Variants in UPP2 observed in about 807,000 individuals in gnomAD.
The protein encoded by UPP2 is UPase 2.
UPP2 carries 23 observed loss-of-function variants against 26.7 expected under a neutral mutation model. That is an observed-to-expected ratio of 0.86 (90% CI 0.62 to 1.22). The LOEUF is 1.22. Among genes scored for constraint, UPP2 ranks in the 50% most tolerant of loss-of-function variants. The pLI is 0.00. For synonymous variants in UPP2, 127 were observed against 141.3 expected, an observed-to-expected ratio of 0.90 and a Z score of 0.72; for missense variants, 387 against 396.7, an observed-to-expected ratio of 0.98 and a Z score of 0.21.
chr2:158,100,987 G>A (rs1683066068), upstream of UPP2, among the ~76,000 whole-genome samples: 1 of 152,200 alleles, frequency 6.6e-6, no homozygotes, highest in African/African-American at 2.4e-5. Flanking sequence ...GTTAGGATAT[G>A]AGCACTTGAT....
intron 2 of UPP2, among the ~76,000 whole-genome samples, chr2:158,008,470 A>C (rs1244662620): frequency 6.6e-6 from 1 of 152,178 alleles, no homozygotes; most frequent in Non-Finnish European, 1.5e-5. Flanking sequence ...ATGTTATTTG[A>C]CTTAGGCTAA....
intron 3 of UPP2, among the ~76,000 whole-genome samples, chr2:158,027,492 C>G (rs1416439076): frequency 6.6e-6 from 1 of 152,152 alleles, no homozygotes; most frequent in Non-Finnish European, 1.5e-5. Flanking sequence ...CAGCTCCACC[C>G]CTATGGCTTT....
intron 2 of UPP2, among the ~76,000 whole-genome samples, chr2:158,111,007 T>C (rs1683308014): frequency 6.6e-6 from 1 of 152,200 alleles, no homozygotes; most frequent in Non-Finnish European, 1.5e-5. Context: ...AGCTCTTTAG[T>C]TTAATTAGAT....
At position 158,135,026 on chromosome 2, in the gene UPP2, C is replaced by A; in HGVS notation, c.*136C>A. On this transcript the variant is annotated 3_prime_UTR_variant, in exon 7 of 7. Transcript: ENST00000005756. ...AATGGAAAGACTTTATGAAATCCTTCTCTCTTAAAAAGGAATTTATTGTAA... is the reference window on the plus strand; with the variant it reads ...AATGGAAAGACTTTATGAAATCCTTATCTCTTAAAAAGGAATTTATTGTAA... The A allele has an allele frequency of 9.2e-7, 1 of 1,082,678 alleles. No homozygotes were observed. Among genetic ancestry groups the A allele is most frequent in the Non-Finnish European group, 1.2e-6 (1 of 815,190 alleles). The allele number at this position is 1,082,678 out of a possible 1,614,324, so 67.1% of individuals were successfully genotyped here. A position where few individuals can be genotyped will look rare whatever the true frequency, so the allele number is the denominator to read the frequency against.
intron 3 of UPP2, among the ~76,000 whole-genome samples, chr2:158,078,778 G>A (rs1682672123): frequency 6.6e-6 from 1 of 152,088 alleles, no homozygotes; most frequent in Non-Finnish European, 1.5e-5. Flanking sequence ...AATGAAAAGA[G>A]TAGAATTGGA....
intron 2 of UPP2, among the ~76,000 whole-genome samples, chr2:158,111,973 G>A (rs1275197164): frequency 6.6e-6 from 1 of 152,112 alleles, no homozygotes; most frequent in African/African-American, 2.4e-5. Flanking sequence ...AAGTAAATGG[G>A]AAGACATCCT....
chr2:158,085,807 T>C (rs913035708), intron 3 of UPP2, among the ~76,000 whole-genome samples: 8 of 152,202 alleles, frequency 5.3e-5, no homozygotes, highest in African/African-American at 1.9e-4. Context: ...ATCACATTTA[T>C]TGACTTACAT....
intron 3 of UPP2, among the ~76,000 whole-genome samples, chr2:158,044,571 G>A (rs1397862171): frequency 6.6e-6 from 1 of 152,122 alleles, no homozygotes; most frequent in Non-Finnish European, 1.5e-5. Flanking sequence ...CAGGGAACAG[G>A]AAATGAGATT....
intron 2 of UPP2, among the ~76,000 whole-genome samples, chr2:158,003,411 T>C (rs1185363534): frequency 1.3e-5 from 2 of 151,956 alleles, no homozygotes; most frequent in East Asian, 3.9e-4. Context: ...TAAATATACA[T>C]ATAGAAAGAG....
chr2:158,070,974 C>G (rs1305634478), intron 3 of UPP2, among the ~76,000 whole-genome samples: 1 of 152,176 alleles, frequency 6.6e-6, no homozygotes, highest in African/African-American at 2.4e-5. Flanking sequence ...ACAGAGAGAT[C>G]ATTTGGATCA....
chr2:158,026,012 G>A (rs1183595935), intron 3 of UPP2, among the ~76,000 whole-genome samples: 2 of 152,276 alleles, frequency 1.3e-5, no homozygotes, highest in Middle Eastern at 6.8e-3. Flanking sequence ...CAGGACATAA[G>A]AGGTGGTGAT....
At chr2:158,016,960 A>C (rs974966407) in intron 3 of UPP2, among the ~76,000 whole-genome samples, 1 of 152,204 alleles carries the variant, frequency 6.6e-6, no homozygotes, top group Non-Finnish European at 1.5e-5. Context: ...GCAGCATCTT[A>C]ATAAGCCAAG....
At chr2:158,052,928 C>A (rs1210400348) in intron 3 of UPP2, among the ~76,000 whole-genome samples, 1 of 152,160 alleles carries the variant, frequency 6.6e-6, no homozygotes, top group Non-Finnish European at 1.5e-5. Flanking sequence ...ACTTTATTTA[C>A]AAAAACAGGC....
intron 3 of UPP2, among the ~76,000 whole-genome samples, chr2:158,050,289 G>C (rs1158146738): frequency 6.6e-6 from 1 of 152,058 alleles, no homozygotes; most frequent in South Asian, 2.1e-4. Context: ...AAGTGTGAGA[G>C]GCATTAGCAA....
chr2:158,003,560 T>C (rs1558900488), intron 2 of UPP2, among the ~76,000 whole-genome samples: 1 of 151,898 alleles, frequency 6.6e-6, no homozygotes, highest in African/African-American at 2.4e-5. Flanking sequence ...ATACAAAAAT[T>C]AGCCAGGTGT....
Position 158,115,108 on chromosome 2 carries a change from G to C in UPP2, c.188G>C (p.Cys63Ser). The C allele has an allele frequency of 6.2e-7, 1 of 1,604,504 alleles. No homozygotes were observed. The highest frequency in any genetic ancestry group is 8.5e-7 in the Non-Finnish European group (1 of 1,177,156). The change falls in exon 3 of 7, where the codon TGT becomes TCT. Residue 63 changes from cysteine to serine, a missense_variant. By Grantham distance (112) the Cys-to-Ser change is moderately radical. Coordinates refer to ENST00000005756, the MANE Select transcript of UPP2 (RefSeq NM_173355.4). ...PAMFGDVKFV[C>S]VGGSPNRMKA... The stretch of plus-strand genomic sequence containing the variant: ...GTTTATTTTTATTAACAGTTTGTCT[G>C]TGTCGGTGGGAGCCCCAACAGAATG...
intron 3 of UPP2, among the ~76,000 whole-genome samples, chr2:158,094,992 G>T (rs1040332785): frequency 6.6e-6 from 1 of 152,152 alleles, no homozygotes; most frequent in Non-Finnish European, 1.5e-5. Flanking sequence ...TCACCAGAAT[G>T]GCCAGTCACA....
rs1683188747 is a variant in UPP2, at chr2:158,106,144, T to C, written c.108T>C (p.Asp36=). The C allele has an allele frequency of 6.2e-7, 1 of 1,607,426 alleles. No homozygotes were observed. The highest frequency in any genetic ancestry group is 8.5e-7 in the Non-Finnish European group (1 of 1,177,592). ...HVKNPYLDLM[D]EDILYHLDLG... ...AAAATCCTTACTTGGATTTGATGGA[T>C]GAAGACATTCTCTATCACTTGGATT... Residue 36 remains aspartate (D), a synonymous_variant, in exon 2 of 7, where the codon GAT becomes GAC. Coordinates refer to ENST00000005756, the MANE Select transcript of UPP2 (RefSeq NM_173355.4).
At chr2:158,112,148 A>C (rs2105219349) in intron 2 of UPP2, among the ~76,000 whole-genome samples, 1 of 152,284 alleles carries the variant, frequency 6.6e-6, no homozygotes, top group East Asian at 1.9e-4. Flanking sequence ...AGGATAGCCA[A>C]AATAGTTTTT....
Sources: allele counts gnomAD v4.1 joint callset (sites outside exome capture counted in the v4.1 genomes callset), GRCh38; gene constraint gnomAD v4.1.1; transcripts MANE v1.5; gene names NCBI Gene and HGNC (gene_info 2026-07-23, HGNC 2026-07-21).